The following NSUN7 variants were observed in gnomAD, a reference collection of about 807,000 sequenced individuals.
NSUN7 encodes the protein NOP2/Sun RNA methyltransferase family member 7, also known as protein NSUN7.
In NSUN7, 39 loss-of-function variants were observed where a neutral mutation model predicts 58.5. That is an observed-to-expected ratio of 0.67 (90% CI 0.52 to 0.87). NSUN7 has a LOEUF of 0.87. Among genes scored for constraint, NSUN7 ranks in the 40% least tolerant of loss-of-function variants. The pLI is 0.00. For missense variants in NSUN7, 765 were observed against 844.1 expected, an observed-to-expected ratio of 0.91 and a Z score of 1.16; for synonymous variants, 278 against 303.7, an observed-to-expected ratio of 0.92 and a Z score of 0.88.
chr4:40,763,757 G>C (rs1333553427), intron 4 of NSUN7, among the ~76,000 whole-genome samples: 1 of 152,154 alleles, frequency 6.6e-6, no homozygotes, highest in Non-Finnish European at 1.5e-5. Flanking sequence ...TTCACATCAT[G>C]CTACTACCTG....
intron 7 of NSUN7, among the ~76,000 whole-genome samples, chr4:40,780,792 CATATAT>C (rs765088042): frequency 1.5e-3 from 153 of 98,768 alleles, no homozygotes; most frequent in South Asian, 3.6e-3. Context: ...CACACATACA[CATATAT>C]ATATATATAT....
At chr4:40,807,565 G>T (rs564983908) in intron 11 of NSUN7, among the ~76,000 whole-genome samples, 113 of 151,968 alleles carry the variant, frequency 7.4e-4, no homozygotes, top group African/African-American at 2.6e-3. Flanking sequence ...GGCCAGGCTG[G>T]TCTTGAACTC....
intron 7 of NSUN7, among the ~76,000 whole-genome samples, chr4:40,790,386 A>G (rs1577575667): frequency 1.3e-5 from 2 of 152,200 alleles, no homozygotes; most frequent in East Asian, 3.8e-4. Flanking sequence ...AAATTTCAAC[A>G]TCATTTCAGG....
At chr4:40,799,190 A>G (rs1269321638) in intron 10 of NSUN7, among the ~76,000 whole-genome samples, 2 of 148,646 alleles carry the variant, frequency 1.3e-5, no homozygotes, top group African/African-American at 2.5e-5. Context: ...GGTTCAAGCA[A>G]TTCTCCTGCC....
intron 10 of NSUN7, among the ~76,000 whole-genome samples, chr4:40,805,302 C>A (rs1460203452): frequency 6.6e-6 from 1 of 152,164 alleles, no homozygotes; most frequent in African/African-American, 2.4e-5. Context: ...CAGTTTACTT[C>A]CAAACCCACG....
In NSUN7 at chr4:40,766,023, G is replaced by C. The variant is rs1741706942; in HGVS notation, c.488+4722G>C. Among the ~76,000 whole-genome samples the C allele has an allele frequency of 2.6e-5, 4 of 152,168 alleles. No individual in the cohort carries two copies. In the South Asian group the frequency reaches 8.3e-4, roughly 32 times the overall value. On this transcript the variant is annotated intron_variant, in intron 4 of 11. Transcript: ENST00000381782. ...TCCTAGATATACAATCATGTCATCT[G>C]CAAACAGGGACAATTTGACTTCCTC...
chr4:40,750,563 A>G (rs1375059881), intron 1 of NSUN7, 40 bp from the exon 2 acceptor site: 2 of 1,100,058 alleles, frequency 1.8e-6, no homozygotes, highest in Admixed American at 2.5e-5. Context: ...GGGGTGCTGC[A>G]GAAAGAGTGA....
intron 10 of NSUN7, among the ~76,000 whole-genome samples, chr4:40,799,476 A>T (rs1375311300): frequency 6.6e-6 from 1 of 150,578 alleles, no homozygotes; most frequent in African/African-American, 2.5e-5. Context: ...CCTGGGCAAC[A>T]TGGTGAAACC....
At position 40,808,458 on chromosome 4, in the gene NSUN7, A is replaced by G. The variant is rs1262586388; in HGVS notation, c.1676A>G (p.Asp559Gly). 8 of 1,594,462 alleles carry G rather than the reference A, an allele frequency of 5.0e-6. No homozygotes were observed. In the African/African-American group the frequency reaches 9.4e-5, roughly 19 times the overall value. ...TCATTGACAAAAGGTGCCACTACTGATAATGGCATCCAAATGAAAATTGCT... is the reference window on the plus strand; with the variant it reads ...TCATTGACAAAAGGTGCCACTACTGGTAATGGCATCCAAATGAAAATTGCT... ...KTSLTKGATT[D>G]NGIQMKIAEF... The change falls in exon 12 of 12, where the codon GAT (aspartate) becomes GGT (glycine). Residue 559 changes from aspartate to glycine, a missense_variant. By Grantham distance (94) the Asp-to-Gly change is moderately conservative. Transcript: ENST00000381782.
chr4:40,809,061 T>TAA lies in NSUN7; in HGVS notation c.*123_*124dup. 2 of 1,003,818 alleles carry TAA rather than the reference T, an allele frequency of 2.0e-6. No individual in the cohort carries two copies. The highest frequency in any genetic ancestry group is 2.8e-6 in the Non-Finnish European group (2 of 711,926). The allele number at this position is 1,003,818 out of a possible 1,614,324, so 62.2% of individuals were successfully genotyped here. ...TTCTTTTGGTCACCTAGGGATCTTCTAAGTGTGATATTACTTTCAGAGAAT... is the reference window on the plus strand; with the variant it reads ...TTCTTTTGGTCACCTAGGGATCTTCTAAAAGTGTGATATTACTTTCAGAGAAT... On this transcript the variant is annotated 3_prime_UTR_variant, in exon 12 of 12. Transcript: ENST00000381782.
chr4:40,785,962 C>T (rs1221343544), intron 7 of NSUN7: 34 of 1,107,596 alleles, frequency 3.1e-5, no homozygotes, highest in Non-Finnish European at 3.8e-5. Context: ...GAATAGGTAT[C>T]AGGGCGCCTC....
chr4:40,786,662 A>G lies in NSUN7; in HGVS notation c.1037-3940A>G, dbSNP rs189615364. The G allele has an allele frequency of 7.6e-4, 1,200 of 1,583,266 alleles. 14 individuals are homozygous for G. The African/African-American group carries it at 0.014, about 18-fold the overall frequency. On this transcript the variant is annotated intron_variant, in intron 7 of 11. Transcript: ENST00000381782. ...AAGGAAGGACTTGAGAAACTACATG[A>G]TATGATCATTAAAAGAAGAAAAATG...
chr4:40,790,102 T>C (rs967737848), intron 7 of NSUN7, among the ~76,000 whole-genome samples: 9 of 99,776 alleles, frequency 9.0e-5, no homozygotes, highest in South Asian at 6.9e-4. Context: ...AGATAGAACA[T>C]AAAAGGGGAT....
chr4:40,803,596 A>G (rs1342033981), intron 10 of NSUN7, among the ~76,000 whole-genome samples: 1 of 152,204 alleles, frequency 6.6e-6, no homozygotes, highest in East Asian at 1.9e-4. Flanking sequence ...TACATCAAGT[A>G]TAGGTAACTA....
rs1233521436 is a variant in NSUN7, at chr4:40,774,398, A to G, written c.622A>G (p.Ile208Val). 2 of 1,613,532 alleles carry G rather than the reference A, an allele frequency of 1.2e-6. No homozygotes were observed. Among genetic ancestry groups the G allele is most frequent in the East Asian group, 4.5e-5 (2 of 44,860 alleles). Reference sequence around the variant, plus strand: ...CTCCACTTTACCACTTTATGCTTGGATAAATACTTGTAAAATCAGGTAAGT... The same window carrying G: ...CTCCACTTTACCACTTTATGCTTGGGTAAATACTTGTAAAATCAGGTAAGT... ...RASTLPLYAWINTCKISPEEV... is the reference protein window; with the variant it reads ...RASTLPLYAWVNTCKISPEEV... The change falls in exon 5 of 12, where the codon ATA (isoleucine) becomes GTA (valine). Residue 208 changes from isoleucine (I) to valine (V), a missense_variant. Coordinates refer to ENST00000381782, the MANE Select transcript of NSUN7 (RefSeq NM_024677.6).
At chr4:40,800,450 T>G (rs1577584980) in intron 10 of NSUN7, among the ~76,000 whole-genome samples, 1 of 152,104 alleles carries the variant, frequency 6.6e-6, no homozygotes, top group East Asian at 1.9e-4. Flanking sequence ...AGCAGTTCTC[T>G]TGCCTCAGCC....
chr4:40,757,678 A>G (rs1477181070), intron 2 of NSUN7, among the ~76,000 whole-genome samples: 1 of 145,814 alleles, frequency 6.9e-6, no homozygotes, highest in Non-Finnish European at 1.5e-5. Context: ...TTGTGTGTAT[A>G]TATATACACA....
chr4:40,769,533 A>G (rs187973117), intron 4 of NSUN7, among the ~76,000 whole-genome samples: 2 of 152,344 alleles, frequency 1.3e-5, no homozygotes, highest in East Asian at 3.9e-4. Context: ...TGCTGAGTTA[A>G]GAAAACAGAG....
At chr4:40,795,472 T>C (rs1743282233) in intron 9 of NSUN7, among the ~76,000 whole-genome samples, 1 of 152,204 alleles carries the variant, frequency 6.6e-6, no homozygotes. Flanking sequence ...ACTTGAAGCA[T>C]TTTAATTAAA....
Sources: allele counts gnomAD v4.1 joint callset (sites outside exome capture counted in the v4.1 genomes callset), GRCh38; gene constraint gnomAD v4.1.1; transcripts MANE v1.5; gene names NCBI Gene and HGNC (gene_info 2026-07-23, HGNC 2026-07-21).